The following NAV3 variants were observed in gnomAD, a reference collection of about 807,000 sequenced individuals.
NAV3 encodes neuron navigator 3.
Under a neutral mutation model 244.7 loss-of-function variants are expected in NAV3, and 87 were observed. The observed-to-expected ratio is 0.36, with a 90% CI of 0.30 to 0.42. The LOEUF is 0.42. Ranked by LOEUF, NAV3 falls within the 20% of genes least tolerant of loss-of-function variation. NAV3 has a pLI of 1.00. For synonymous variants in NAV3, 1,126 were observed against 1,042.2 expected (o/e 1.08, Z -1.55); for missense variants, 2,663 against 2,893.3 (o/e 0.92, Z 1.83).
At chr12:77,679,337 G>A (rs929024562) in intron 2 of NAV3, among the ~76,000 whole-genome samples, 7 of 152,156 alleles carry the variant, frequency 4.6e-5, no homozygotes, top group Admixed American at 4.6e-4. Flanking sequence ...GGTGCTGACT[G>A]GATGGAGGGA....
At chr12:78,199,173 C>T (rs1465854017) in intron 36 of NAV3, 162 bp from the exon 37 acceptor site, 1 of 712,382 alleles carries the variant, frequency 1.4e-6, no homozygotes, top group Middle Eastern at 2.3e-4. Context: ...AGTAGACCTC[C>T]TAACACCTTT....
At chr12:78,023,856 T>G (rs750843357) in intron 9 of NAV3, among the ~76,000 whole-genome samples, 9 of 151,894 alleles carry the variant, frequency 5.9e-5, no homozygotes, top group Non-Finnish European at 1.2e-4. Context: ...TTTAGTGATT[T>G]TAGTATCTAC....
intron 2 of NAV3, among the ~76,000 whole-genome samples, chr12:77,708,737 G>C (rs905407592): frequency 1.2e-4 from 18 of 152,116 alleles, no homozygotes; most frequent in Non-Finnish European, 1.9e-4. Flanking sequence ...TTATGTTGTT[G>C]AGCAGTGGTT....
At chr12:77,649,725 T>C (rs151006836) in intron 2 of NAV3, among the ~76,000 whole-genome samples, 277 of 152,310 alleles carry the variant, frequency 1.8e-3, no homozygotes, top group Non-Finnish European at 3.3e-3. Flanking sequence ...TATAAGATCA[T>C]TTTGCCTGTA....
intron 2 of NAV3, among the ~76,000 whole-genome samples, chr12:77,712,058 C>T (rs182282079): frequency 1.3e-5 from 2 of 152,270 alleles, no homozygotes; most frequent in African/African-American, 4.8e-5. Flanking sequence ...GTCATTTAAA[C>T]CACCTGCAAC....
chr12:77,826,792 G>A (rs142840929), upstream of NAV3, among the ~76,000 whole-genome samples: 151 of 152,232 alleles, frequency 9.9e-4, no homozygotes, highest in Middle Eastern at 3.4e-3. Context: ...CATTATCTAC[G>A]GTAGGCATGA....
At chr12:77,915,708 A>G (rs1050769194) in intron 1 of NAV3, among the ~76,000 whole-genome samples, 1 of 152,024 alleles carries the variant, frequency 6.6e-6, no homozygotes, top group African/African-American at 2.4e-5. Flanking sequence ...TCACTGCATT[A>G]TTATGGTCTC....
chr12:78,072,746 T>C lies in NAV3; in HGVS notation c.2636+13631T>C, dbSNP rs1350719183. On this transcript the variant is annotated intron_variant, in intron 12 of 39. Transcript: ENST00000397909. ...GAGACACCACAAAAAAAGAGAATTT[T>C]AGACCAATATCCTTGATGAACATTG... 4.9e-5 allele frequency among the ~76,000 whole-genome samples: 7 copies of C among 144,100 alleles called. No homozygotes were observed. In the East Asian group the frequency reaches 1.4e-3, roughly 30 times the overall value. The allele number at this position is 144,100 out of a possible 152,430, so 94.5% of individuals were successfully genotyped here.
At chr12:77,573,232 A>G (rs1258405104) in intron 2 of NAV3, among the ~76,000 whole-genome samples, 1 of 152,166 alleles carries the variant, frequency 6.6e-6, no homozygotes, top group Non-Finnish European at 1.5e-5. Context: ...CCTGAAAAAC[A>G]ACTAGTTAGG....
Position 77,793,363 on chromosome 12 carries a change from A to G in NAV3, c.73-146956A>G, listed in dbSNP as rs1871268447. Among the ~76,000 whole-genome samples, 4 of 152,228 alleles carry G rather than the reference A, an allele frequency of 2.6e-5. No homozygotes were observed. In the South Asian group the frequency reaches 8.3e-4, roughly 32 times the overall value. ...TGTGCAGAACTTGCAGGTTTGTTAC[A>G]TAGGTAACAAATACATGTGCCATGG... On this transcript the variant is annotated intron_variant, in intron 2 of 8. Coordinates refer to the NAV3 transcript ENST00000550042.
At chr12:77,877,473 T>C (rs1565881971) in intron 1 of NAV3, among the ~76,000 whole-genome samples, 1 of 152,190 alleles carries the variant, frequency 6.6e-6, no homozygotes, top group East Asian at 1.9e-4. Context: ...ATTGCATTTA[T>C]AGGTAACAAA....
At chr12:77,883,367 C>T (rs576797837) in intron 1 of NAV3, among the ~76,000 whole-genome samples, 1 of 152,068 alleles carries the variant, frequency 6.6e-6, no homozygotes, top group East Asian at 1.9e-4. Flanking sequence ...CGCATGTTCT[C>T]TCTAACTGAG....
At chr12:77,819,713 T>G (rs1036704198) in intron 2 of NAV3, among the ~76,000 whole-genome samples, 4 of 152,154 alleles carry the variant, frequency 2.6e-5, no homozygotes, top group Non-Finnish European at 5.9e-5. Context: ...ATATATCTTA[T>G]GTTGATAATG....
At chr12:77,799,104 T>C (rs1308555637) in intron 2 of NAV3, among the ~76,000 whole-genome samples, 1 of 152,214 alleles carries the variant, frequency 6.6e-6, no homozygotes, top group Non-Finnish European at 1.5e-5. Context: ...ATCTTGAACC[T>C]GAGCCGCAAG....
intron 2 of NAV3, among the ~76,000 whole-genome samples, chr12:77,705,940 T>C (rs2137224732): frequency 6.6e-6 from 1 of 151,654 alleles, no homozygotes; most frequent in East Asian, 1.9e-4. Flanking sequence ...TATTTCTTTC[T>C]TAAATTAGAA....
intron 12 of NAV3, among the ~76,000 whole-genome samples, chr12:78,081,364 G>A (rs888536242): frequency 1.3e-5 from 2 of 152,276 alleles, no homozygotes; most frequent in Middle Eastern, 3.4e-3. Flanking sequence ...AGCTCATGGA[G>A]AGCCCGGTGA....
intron 2 of NAV3, among the ~76,000 whole-genome samples, chr12:77,708,851 GCTCT>G (rs922726558): frequency 6.6e-6 from 1 of 152,020 alleles, no homozygotes. Context: ...TCATGATTTG[GCTCT>G]CTGTTTGTCT....
intron 19 of NAV3, among the ~76,000 whole-genome samples, chr12:78,139,255 C>T (rs547874359): frequency 6.6e-6 from 1 of 152,144 alleles, no homozygotes; most frequent in African/African-American, 2.4e-5. Flanking sequence ...CCTTCAATTC[C>T]ATCCCCATGT....
chr12:77,963,906 CTTCTCCTTCT>C (rs34057812), intron 3 of NAV3, among the ~76,000 whole-genome samples: 110,027 of 127,362 alleles, frequency 0.86, 47,538 homozygotes, highest in East Asian at 0.98. Flanking sequence ...CTTCTCCTTC[CTTCTCCTTCT>C]CCTTCCTTCT....
Sources: gnomAD v4.1 joint callset for allele counts (sites outside exome capture counted in the v4.1 genomes callset) on GRCh38, gnomAD v4.1.1 for gene constraint, MANE v1.5 for transcripts, NCBI Gene and HGNC (gene_info 2026-07-23, HGNC 2026-07-21) for gene names.